The following NREP variants were observed in gnomAD, a reference collection of about 807,000 sequenced individuals.
NREP encodes the protein neuronal regeneration-related protein.
A neutral mutation model predicts 8.6 loss-of-function variants in NREP; 5 were observed. The observed-to-expected ratio is 0.58, with a 90% CI of 0.30 to 1.22. NREP has a LOEUF of 1.22. NREP is among the 50% of genes most tolerant of loss of function. The probability of loss-of-function intolerance (pLI) is 0.07; values close to 1 mark genes in which losing one functional copy is unlikely to be tolerated. For synonymous variants in NREP, 27 were observed against 28.0 expected (o/e 0.96, Z 0.11); for missense variants, 86 against 82.5 (o/e 1.04, Z -0.17).
At position 111,922,564 on chromosome 5, in the gene NREP, G is replaced by A. The variant is rs1159998491; in HGVS notation, c.135+52710C>T. Among the ~76,000 whole-genome samples the A allele has an allele frequency of 3.9e-5, 6 of 152,276 alleles. No individual in the cohort carries two copies. In the East Asian group the frequency reaches 1.2e-3, roughly 29 times the overall value. ...CTTCCCATTCTCTGAGCTCGATGGA[G>A]AAGAAGCCATCTGTTGAGGGAGGTG... On this transcript the variant is annotated intron_variant, in intron 2 of 3. Coordinates refer to the NREP transcript ENST00000395634.
chr5:111,919,869 GAGAAAGAAAGAAAGAAAGAA>G (rs60026643), intron 2 of NREP, among the ~76,000 whole-genome samples: 12 of 125,116 alleles, frequency 9.6e-5, no homozygotes, highest in East Asian at 5.3e-4. Flanking sequence ...CTTGAAGAGA[GAGAAAGAAAGAAAGAAAGAA>G]AGAAAGAAAG....
intron 2 of NREP, among the ~76,000 whole-genome samples, chr5:111,880,471 G>A (rs1265921110): frequency 6.6e-6 from 1 of 152,110 alleles, no homozygotes; most frequent in African/African-American, 2.4e-5. Context: ...CAGATGGCAT[G>A]GCTACTTCTC....
At chr5:111,820,522 C>G (rs1383000284) in intron 2 of NREP, among the ~76,000 whole-genome samples, 2 of 151,518 alleles carry the variant, frequency 1.3e-5, no homozygotes, top group Non-Finnish European at 2.9e-5. Context: ...ATAATGATAA[C>G]CTCTGGGGAG....
chr5:111,765,005 T>C (rs1751047387), intron 2 of NREP, among the ~76,000 whole-genome samples: 1 of 152,188 alleles, frequency 6.6e-6, no homozygotes, highest in Non-Finnish European at 1.5e-5. Context: ...ATGAAGGCCG[T>C]TACATAGGAT....
chr5:111,873,407 CA>C (rs1206372190), intron 2 of NREP, among the ~76,000 whole-genome samples: 2 of 152,156 alleles, frequency 1.3e-5, no homozygotes, highest in Non-Finnish European at 2.9e-5. Flanking sequence ...AGGGTATCCA[CA>C]AGCCATGTTC....
At chr5:111,968,512 G>C (rs1487568543) in intron 2 of NREP, among the ~76,000 whole-genome samples, 4 of 152,168 alleles carry the variant, frequency 2.6e-5, no homozygotes, top group African/African-American at 9.7e-5. Flanking sequence ...GGGAGAACCA[G>C]GACAAACAGG....
At chr5:111,943,810 T>C (rs547316574) in intron 2 of NREP, among the ~76,000 whole-genome samples, 6 of 152,240 alleles carry the variant, frequency 3.9e-5, no homozygotes, top group African/African-American at 1.2e-4. Flanking sequence ...TTCTTTGGAT[T>C]TTTCCGATTA....
upstream of NREP, among the ~76,000 whole-genome samples, chr5:111,758,888 C>T (rs1014622503): frequency 6.6e-6 from 1 of 152,208 alleles, no homozygotes; most frequent in Non-Finnish European, 1.5e-5. Flanking sequence ...ATTGCCACAA[C>T]AAATGCCTGT....
chr5:111,896,984 T>C (rs982472142), intron 2 of NREP, among the ~76,000 whole-genome samples: 1 of 152,214 alleles, frequency 6.6e-6, no homozygotes, highest in African/African-American at 2.4e-5. Context: ...ATATGTTTCA[T>C]TTAATATTAT....
intron 2 of NREP, among the ~76,000 whole-genome samples, chr5:111,872,185 T>A (rs996305268): frequency 2.0e-5 from 3 of 151,674 alleles, no homozygotes; most frequent in Non-Finnish European, 4.4e-5. Flanking sequence ...ACCCAGAGAG[T>A]TGATGGTGTC....
At chr5:111,972,115 G>A (rs1235653621) in intron 2 of NREP, among the ~76,000 whole-genome samples, 1 of 152,086 alleles carries the variant, frequency 6.6e-6, no homozygotes, top group African/African-American at 2.4e-5. Flanking sequence ...CATACAAATA[G>A]CCAGCAGGCA....
chr5:111,822,065 G>C (rs541011745), intron 2 of NREP, among the ~76,000 whole-genome samples: 34 of 152,118 alleles, frequency 2.2e-4, no homozygotes, highest in African/African-American at 8.0e-4. Context: ...ATCAAATTTT[G>C]AATCAGCAAG....
rs112020532 is a variant in NREP, at chr5:111,967,112, A to G, written c.135+8162T>C. On this transcript the variant is annotated intron_variant, in intron 2 of 3. Transcript: ENST00000395634. ...GATCAAGACTGCTACTCAATACCCTACAATGCATTGGACAGCCCCCTAACA... is the reference window on the plus strand; with the variant it reads ...GATCAAGACTGCTACTCAATACCCTGCAATGCATTGGACAGCCCCCTAACA... Among the ~76,000 whole-genome samples the G allele has an allele frequency of 6.4e-3, 969 of 152,260 alleles. 8 individuals are homozygous for G. Among genetic ancestry groups the G allele is most frequent in the Non-Finnish European group, 9.5e-3 (648 of 68,022 alleles).
chr5:111,744,037 T>A (rs1749845499), intron 2 of NREP, among the ~76,000 whole-genome samples: 1 of 152,178 alleles, frequency 6.6e-6, no homozygotes, highest in South Asian at 2.1e-4. Context: ...TTTCTTGGTC[T>A]GGGTGGATGA....
At chr5:111,894,832 G>A (rs1754471059) in intron 2 of NREP, among the ~76,000 whole-genome samples, 2 of 152,210 alleles carry the variant, frequency 1.3e-5, no homozygotes, top group East Asian at 3.8e-4. Context: ...CTGTTCATGT[G>A]AGGTGAAGAG....
chr5:111,822,584 T>A (rs754245011), intron 2 of NREP, among the ~76,000 whole-genome samples: 1 of 152,214 alleles, frequency 6.6e-6, no homozygotes, highest in Admixed American at 6.5e-5. Context: ...TGATTTGCCC[T>A]TACTGTAGCT....
At chr5:111,876,819 A>T (rs1753921324) in intron 2 of NREP, among the ~76,000 whole-genome samples, 1 of 152,168 alleles carries the variant, frequency 6.6e-6, no homozygotes, top group African/African-American at 2.4e-5. Context: ...CTTAATCTTC[A>T]TAAGAATCCT....
At chr5:111,749,429 GAA>G (rs35475618) in intron 2 of NREP, among the ~76,000 whole-genome samples, 1 of 144,788 alleles carries the variant, frequency 6.9e-6, no homozygotes, top group African/African-American at 2.5e-5. Flanking sequence ...GAGATTGCAG[GAA>G]AAAAAAAAAA....
At chr5:111,769,131 G>C (rs1751156352) in intron 2 of NREP, among the ~76,000 whole-genome samples, 1 of 152,084 alleles carries the variant, frequency 6.6e-6, no homozygotes, top group African/African-American at 2.4e-5. Flanking sequence ...TCTTAAATGG[G>C]ATACATCAAG....
Sources: gnomAD v4.1 joint callset for allele counts (sites outside exome capture counted in the v4.1 genomes callset) on GRCh38, gnomAD v4.1.1 for gene constraint, MANE v1.5 for transcripts, NCBI Gene and HGNC (gene_info 2026-07-23, HGNC 2026-07-21) for gene names.